Variants in STAU2 observed in about 807,000 individuals in gnomAD.
STAU2 encodes staufen double-stranded RNA binding protein 2.
STAU2 carries 20 observed loss-of-function variants against 65.9 expected under a neutral mutation model. The observed-to-expected ratio is 0.30, with a 90% CI of 0.21 to 0.44. The LOEUF (loss-of-function observed/expected upper bound fraction) is 0.44. STAU2 is among the 20% of genes least tolerant of loss of function. STAU2 has a pLI of 1.00. For missense variants in STAU2, 558 were observed against 683.9 expected, an observed-to-expected ratio of 0.82 and a Z score of 2.05; for synonymous variants, 232 against 233.9, an observed-to-expected ratio of 0.99 and a Z score of 0.07.
At chr8:73,573,965 G>GATGAA (rs1809314400) in intron 12 of STAU2, among the ~76,000 whole-genome samples, 1 of 152,050 alleles carries the variant, frequency 6.6e-6, no homozygotes, top group Non-Finnish European at 1.5e-5. Flanking sequence ...GAGTGAACAG[G>GATGAA]CAACCTACAG....
chr8:73,469,680 T>G (rs1819870547), intron 13 of STAU2, among the ~76,000 whole-genome samples: 1 of 151,702 alleles, frequency 6.6e-6, no homozygotes, highest in African/African-American at 2.4e-5. Flanking sequence ...GAAAAGAATA[T>G]GGGTGAGAAA....
chr8:73,668,006 C>G (rs1388086476), intron 6 of STAU2, among the ~76,000 whole-genome samples: 1 of 152,146 alleles, frequency 6.6e-6, no homozygotes, highest in Non-Finnish European at 1.5e-5. Context: ...ATGGGGCTAA[C>G]CTGTTTCTCC....
At chr8:73,654,928 G>C (rs1816234043) in intron 6 of STAU2, among the ~76,000 whole-genome samples, 1 of 151,960 alleles carries the variant, frequency 6.6e-6, no homozygotes, top group African/African-American at 2.4e-5. Context: ...CTCGTGATCT[G>C]CCCGTCTCGG....
chr8:73,426,657 C>T (rs1004759266), intron 13 of STAU2, among the ~76,000 whole-genome samples: 1 of 152,080 alleles, frequency 6.6e-6, no homozygotes, highest in Non-Finnish European at 1.5e-5. Flanking sequence ...TTTTTACGGC[C>T]GAGTAGTATT....
chr8:73,560,543 G>C (rs943351283), intron 12 of STAU2, among the ~76,000 whole-genome samples: 3 of 151,990 alleles, frequency 2.0e-5, no homozygotes, highest in African/African-American at 7.2e-5. Flanking sequence ...GTATGTGAAG[G>C]GTTCTTAATT....
intron 6 of STAU2, among the ~76,000 whole-genome samples, chr8:73,634,387 G>T (rs539870479): frequency 6.6e-6 from 1 of 152,110 alleles, no homozygotes; most frequent in African/African-American, 2.4e-5. Context: ...AATTAGCTGG[G>T]TGTGGTGGCA....
At chr8:73,630,917 TG>T (rs1814047662) in intron 6 of STAU2, among the ~76,000 whole-genome samples, 1 of 152,218 alleles carries the variant, frequency 6.6e-6, no homozygotes, top group Non-Finnish European at 1.5e-5. Context: ...CCCTTAGCTG[TG>T]GTTATGCTGG....
At chr8:73,615,287 G>A (rs1357997202) in intron 8 of STAU2, among the ~76,000 whole-genome samples, 3 of 150,356 alleles carry the variant, frequency 2.0e-5, no homozygotes. Flanking sequence ...AACATATTTT[G>A]GCCTCCACAC....
intron 13 of STAU2, chr8:73,549,640 C>T (rs578126317): frequency 3.5e-4 from 346 of 984,880 alleles, no homozygotes; most frequent in Admixed American, 1.0e-3. Context: ...CTTTGTAATA[C>T]AATATAGCTG....
At chr8:73,693,467 T>G (rs1045798041) in intron 4 of STAU2, among the ~76,000 whole-genome samples, 2 of 135,628 alleles carry the variant, frequency 1.5e-5, no homozygotes, top group African/African-American at 5.6e-5. Flanking sequence ...AGAGTGAGAC[T>G]CCGTCTCAAA....
intron 3 of STAU2, among the ~76,000 whole-genome samples, chr8:73,723,125 C>CAT (rs1459625779): frequency 6.6e-6 from 1 of 151,836 alleles, no homozygotes; most frequent in Admixed American, 6.6e-5. Flanking sequence ...CACACACACA[C>CAT]ATACACACAC....
At chr8:73,642,789 A>C (rs910681038) in intron 6 of STAU2, among the ~76,000 whole-genome samples, 2 of 152,184 alleles carry the variant, frequency 1.3e-5, no homozygotes, top group African/African-American at 4.8e-5. Context: ...GCAAGACTGA[A>C]AAGGTTACAT....
intron 10 of STAU2, among the ~76,000 whole-genome samples, chr8:73,601,167 C>A (rs1811606120): frequency 6.6e-6 from 1 of 152,166 alleles, no homozygotes; most frequent in Non-Finnish European, 1.5e-5. Context: ...ACAGCTCATT[C>A]ACATGAATCA....
chr8:73,591,111 T>G (rs1354891078), intron 11 of STAU2, among the ~76,000 whole-genome samples: 5 of 152,044 alleles, frequency 3.3e-5, no homozygotes, highest in Non-Finnish European at 7.4e-5. Flanking sequence ...ATAATCAAAA[T>G]GAGAGTAAAT....
At chr8:73,637,475 AGT>A (rs1563473672) in intron 6 of STAU2, among the ~76,000 whole-genome samples, 129 of 122,888 alleles carry the variant, frequency 1.0e-3, no homozygotes, top group African/African-American at 4.1e-3. Flanking sequence ...AAGTGCTGAA[AGT>A]AAAAAAAAAA....
chr8:73,502,830 C>T (rs917590516), intron 13 of STAU2, among the ~76,000 whole-genome samples: 1 of 152,006 alleles, frequency 6.6e-6, no homozygotes, highest in Non-Finnish European at 1.5e-5. Context: ...ATTTTTTATA[C>T]ACATTTTAAA....
intron 6 of STAU2, among the ~76,000 whole-genome samples, chr8:73,631,321 T>C (rs980364650): frequency 3.3e-5 from 5 of 151,774 alleles, no homozygotes; most frequent in African/African-American, 1.2e-4. Context: ...AATGTACCCT[T>C]GCGGTTTGAG....
chr8:73,608,465 C>T (rs555706385), intron 9 of STAU2, among the ~76,000 whole-genome samples: 4 of 151,108 alleles, frequency 2.6e-5, no homozygotes, highest in South Asian at 2.1e-4. Flanking sequence ...AAATTAGCCA[C>T]GCGTGGTGGC....
At chr8:73,498,398 T>G (rs1036197594) in intron 13 of STAU2, among the ~76,000 whole-genome samples, 1 of 151,888 alleles carries the variant, frequency 6.6e-6, no homozygotes, top group African/African-American at 2.4e-5. Flanking sequence ...GTGTATACAC[T>G]GTAGCCTGCA....
Sources: gnomAD v4.1 joint callset for allele counts (sites outside exome capture counted in the v4.1 genomes callset) on GRCh38, gnomAD v4.1.1 for gene constraint, MANE v1.5 for transcripts, NCBI Gene and HGNC (gene_info 2026-07-23, HGNC 2026-07-21) for gene names.